DAB1: variants seen among roughly 807,000 people sequenced by gnomAD.
The protein encoded by DAB1 is disabled homolog 1.
Under a neutral mutation model 64.6 loss-of-function variants are expected in DAB1, and 15 were observed. The observed-to-expected ratio is 0.23, with a 90% confidence interval of 0.16 to 0.36. DAB1 has a LOEUF of 0.36. Among genes scored for constraint, DAB1 ranks in the 10% least tolerant of loss-of-function variants. The pLI, the probability that DAB1 is intolerant of heterozygous loss-of-function variation, is 1.00. For missense variants in DAB1, 596 were observed against 706.7 expected (o/e 0.84, Z 1.78); for synonymous variants, 235 against 251.9 (o/e 0.93, Z 0.64).
chr1:57,991,887 G>C (rs548864942), intron 5 of DAB1, among the ~76,000 whole-genome samples: 64 of 132,136 alleles, frequency 4.8e-4, no homozygotes, highest in African/African-American at 1.6e-3. Context: ...GCCAGAGAAC[G>C]CTCTCTAGAG....
intron 1 of DAB1, among the ~76,000 whole-genome samples, chr1:57,341,447 A>G (rs1195878531): frequency 6.6e-6 from 1 of 152,220 alleles, no homozygotes; most frequent in Non-Finnish European, 1.5e-5. Context: ...ACACCTGTCA[A>G]TAAAATGATT....
At chr1:58,148,221 A>T (rs1379222967) in intron 5 of DAB1, among the ~76,000 whole-genome samples, 1 of 152,130 alleles carries the variant, frequency 6.6e-6, no homozygotes, top group African/African-American at 2.4e-5. Flanking sequence ...CCAACTGGCA[A>T]TTACCTACCA....
At chr1:57,005,789 A>G (rs1354101923) in intron 14 of DAB1, among the ~76,000 whole-genome samples, 1 of 152,222 alleles carries the variant, frequency 6.6e-6, no homozygotes, top group East Asian at 1.9e-4. Flanking sequence ...GGATTTTAGC[A>G]AGTTGTTAAA....
At chr1:58,539,074 A>G (rs1361287047) in intron 1 of DAB1, 2 of 872,936 alleles carry the variant, frequency 2.3e-6, no homozygotes, top group Admixed American at 1.7e-5. Flanking sequence ...TTTGTTGTTA[A>G]AAGTACTATA....
chr1:57,443,997 C>T (rs1387634760), intron 7 of DAB1, among the ~76,000 whole-genome samples: 2 of 152,150 alleles, frequency 1.3e-5, no homozygotes, highest in African/African-American at 2.4e-5. Flanking sequence ...GAAGTCTTTC[C>T]AGGCCTTCTA....
At chr1:57,621,261 G>A (rs1285156538) in intron 7 of DAB1, among the ~76,000 whole-genome samples, 1 of 69,712 alleles carries the variant, frequency 1.4e-5, no homozygotes, top group African/African-American at 3.8e-5. Flanking sequence ...GAGTGAGATT[G>A]TTGTGTGTGT....
At chr1:57,028,219 T>C (rs1646854443) in intron 9 of DAB1, among the ~76,000 whole-genome samples, 1 of 152,200 alleles carries the variant, frequency 6.6e-6, no homozygotes, top group Non-Finnish European at 1.5e-5. Flanking sequence ...GTTCTCATGA[T>C]AGTGAATAAG....
At chr1:58,394,772 G>T (rs971712467) in intron 3 of DAB1, among the ~76,000 whole-genome samples, 2 of 152,150 alleles carry the variant, frequency 1.3e-5, no homozygotes, top group Non-Finnish European at 2.9e-5. Context: ...AGAGAGTATG[G>T]ATGTTATTAT....
intron 7 of DAB1, among the ~76,000 whole-genome samples, chr1:57,594,423 A>C (rs1645481820): frequency 6.6e-6 from 1 of 152,130 alleles, no homozygotes. Flanking sequence ...TCTCTCCTCA[A>C]GGACTTTAGA....
At chr1:57,929,583 T>TATAAAGGAACAA (rs942323852) in intron 5 of DAB1, among the ~76,000 whole-genome samples, 1 of 152,218 alleles carries the variant, frequency 6.6e-6, no homozygotes, top group African/African-American at 2.4e-5. Context: ...TTTATGTTGC[T>TATAAAGGAACAA]ATAAAGGAAT....
intron 1 of DAB1, among the ~76,000 whole-genome samples, chr1:57,856,691 G>A (rs1653771844): frequency 6.6e-6 from 1 of 152,064 alleles, no homozygotes; most frequent in African/African-American, 2.4e-5. Context: ...TTGAACCTGG[G>A]AGGTAGAGGC....
At chr1:58,403,391 A>T (rs1644589745) in intron 3 of DAB1, among the ~76,000 whole-genome samples, 1 of 152,098 alleles carries the variant, frequency 6.6e-6, no homozygotes, top group Non-Finnish European at 1.5e-5. Flanking sequence ...TAATTTATAG[A>T]GTGCTTTAGA....
At chr1:57,524,195 T>C (rs2101392490) in intron 7 of DAB1, among the ~76,000 whole-genome samples, 1 of 151,850 alleles carries the variant, frequency 6.6e-6, no homozygotes, top group Non-Finnish European at 1.5e-5. Flanking sequence ...AGAAAAGACA[T>C]AGAGGCGAAA....
chr1:57,420,267 C>T lies in DAB1; in HGVS notation c.-137+3663G>A, dbSNP rs147985963. ...AGCTAGCTGGGATCACTTCCTCACT[C>T]AGAGGCAGCATAACAGTGGTTAGGA... is the stretch of plus-strand genomic sequence containing the variant. On this transcript the variant is annotated intron_variant, in intron 1 of 14. Coordinates refer to ENST00000371236, the MANE Select transcript of DAB1 (RefSeq NM_001365792.1). 6.3e-4 allele frequency among the ~76,000 whole-genome samples: 96 copies of T among 152,302 alleles called. 1 individual carries two copies. Among genetic ancestry groups the T allele is most frequent in the African/African-American group, 2.1e-3 (87 of 41,570 alleles).
intron 1 of DAB1, among the ~76,000 whole-genome samples, chr1:57,849,907 C>T (rs548819323): frequency 6.6e-5 from 10 of 152,076 alleles, no homozygotes; most frequent in Non-Finnish European, 1.5e-4. Context: ...TTATTTTTAT[C>T]ATTAGTCCAT....
At chr1:57,330,333 CA>C (rs1211561567) in intron 1 of DAB1, among the ~76,000 whole-genome samples, 1 of 152,086 alleles carries the variant, frequency 6.6e-6, no homozygotes, top group Non-Finnish European at 1.5e-5. Context: ...TTCATTTTAC[CA>C]CTAGGGTGGT....
intron 6 of DAB1, among the ~76,000 whole-genome samples, chr1:57,755,120 T>C (rs1247767608): frequency 2.6e-5 from 4 of 152,126 alleles, no homozygotes; most frequent in Non-Finnish European, 4.4e-5. Context: ...AGTCAGTCAG[T>C]TCTCTTTCTT....
chr1:57,055,244 G>A (rs1649630426), intron 9 of DAB1, among the ~76,000 whole-genome samples: 1 of 152,208 alleles, frequency 6.6e-6, no homozygotes, highest in Non-Finnish European at 1.5e-5. Flanking sequence ...GAGTGGGTAG[G>A]ATTAATCCTT....
At chr1:58,440,152 C>T (rs1476789653) in intron 3 of DAB1, among the ~76,000 whole-genome samples, 2 of 152,170 alleles carry the variant, frequency 1.3e-5, no homozygotes, top group Non-Finnish European at 2.9e-5. Context: ...GGAAGATTTC[C>T]AAGATGCTTC....
Sources: gnomAD v4.1 joint callset for allele counts (sites outside exome capture counted in the v4.1 genomes callset) on GRCh38, gnomAD v4.1.1 for gene constraint, MANE v1.5 for transcripts, NCBI Gene and HGNC (gene_info 2026-07-23, HGNC 2026-07-21) for gene names.